Variants in DAB1 observed in about 807,000 individuals in gnomAD.
The protein encoded by DAB1 is DAB adaptor protein 1, also known as disabled homolog 1.
In DAB1, 15 loss-of-function variants were observed where a neutral mutation model predicts 64.6. The ratio of observed to expected loss-of-function variants is 0.23; its 90% confidence interval spans 0.16 to 0.36. The LOEUF is 0.36. Ranked by LOEUF, DAB1 falls within the 10% of genes least tolerant of loss-of-function variation. The pLI is 1.00. For synonymous variants in DAB1, 235 were observed against 251.9 expected, an observed-to-expected ratio of 0.93 and a Z score of 0.64; for missense variants, 596 against 706.7, an observed-to-expected ratio of 0.84 and a Z score of 1.78.
chr1:57,980,739 TGGCAGAAATGTAAGTGGAG>T (rs1438126425), intron 5 of DAB1, among the ~76,000 whole-genome samples: 1 of 152,166 alleles, frequency 6.6e-6, no homozygotes, highest in Non-Finnish European at 1.5e-5. Context: ...TATATGTTGC[TGGCAGAAATGTAAGTGGAG>T]GGAATTTCTG....
At chr1:57,489,791 G>A (rs894085312) in intron 7 of DAB1, among the ~76,000 whole-genome samples, 7 of 152,152 alleles carry the variant, frequency 4.6e-5, no homozygotes, top group Non-Finnish European at 1.0e-4. Context: ...TGTAAACACA[G>A]CAAAATTGAA....
At chr1:58,482,270 G>A (rs1645500494) in intron 3 of DAB1, among the ~76,000 whole-genome samples, 1 of 152,092 alleles carries the variant, frequency 6.6e-6, no homozygotes, top group South Asian at 2.1e-4. Context: ...ATTGAAGTTA[G>A]AATGTAGCAA....
At chr1:58,470,594 T>C (rs540869155) in intron 3 of DAB1, among the ~76,000 whole-genome samples, 2 of 152,328 alleles carry the variant, frequency 1.3e-5, no homozygotes, top group East Asian at 3.9e-4. Context: ...TCTGAAGCAC[T>C]GTCTCATCAC....
chr1:58,402,401 G>C (rs1644579044), intron 3 of DAB1, among the ~76,000 whole-genome samples: 2 of 152,164 alleles, frequency 1.3e-5, no homozygotes, highest in Non-Finnish European at 2.9e-5. Flanking sequence ...AAGATGGAAG[G>C]ATTTGTTATT....
intron 7 of DAB1, among the ~76,000 whole-genome samples, chr1:57,539,034 C>T (rs1465807003): frequency 1.3e-5 from 2 of 152,220 alleles, no homozygotes; most frequent in Non-Finnish European, 2.9e-5. Context: ...GAACCTTGCA[C>T]ACCTCCCTTC....
intron 6 of DAB1, chr1:57,649,799 A>T (rs1403079100): frequency 6.6e-6 from 1 of 152,228 alleles, no homozygotes; most frequent in African/African-American, 2.4e-5. Flanking sequence ...AGAGAGATGG[A>T]TAAAATAAAA....
intron 5 of DAB1, among the ~76,000 whole-genome samples, chr1:58,007,636 T>A (rs891556677): frequency 6.6e-6 from 1 of 152,150 alleles, no homozygotes; most frequent in Non-Finnish European, 1.5e-5. Context: ...TCCCAGCCAG[T>A]GTACTCAAGG....
rs1314702266 is a variant in DAB1 at position 57,638,955 on chromosome 1, A to G, written n.625+10637T>C. On this transcript the variant is annotated intron_variant and non_coding_transcript_variant, in intron 7 of 20. Coordinates refer to the DAB1 transcript ENST00000485760. ...AAGTTCTTCATAAAGAACTTTAGTA[A>G]ATAACTTTATAAAGTTCTTCATAAA... Among the ~76,000 whole-genome samples the G allele has an allele frequency of 7.3e-5, 11 of 150,054 alleles. No homozygotes were observed. The East Asian group carries it at 1.6e-3, about 22-fold the overall frequency.
chr1:57,020,168 A>G (rs1163248554), intron 11 of DAB1, among the ~76,000 whole-genome samples: 1 of 152,212 alleles, frequency 6.6e-6, no homozygotes, highest in Non-Finnish European at 1.5e-5. Context: ...TCCTTTCCAC[A>G]AGCCTCTGGG....
At chr1:58,062,049 G>A (rs1648534255) in intron 5 of DAB1, among the ~76,000 whole-genome samples, 1 of 152,196 alleles carries the variant, frequency 6.6e-6, no homozygotes, top group African/African-American at 2.4e-5. Context: ...CTGATTTAAT[G>A]ACTAGCCTTG....
chr1:58,302,765 G>GA (rs1185502914), intron 4 of DAB1, among the ~76,000 whole-genome samples: 1 of 152,122 alleles, frequency 6.6e-6, no homozygotes, highest in Non-Finnish European at 1.5e-5. Context: ...TGCTTAGAAT[G>GA]AAAGTGACAA....
At chr1:57,553,571 C>T (rs1411254095) in intron 7 of DAB1, among the ~76,000 whole-genome samples, 1 of 151,604 alleles carries the variant, frequency 6.6e-6, no homozygotes, top group Non-Finnish European at 1.5e-5. Context: ...TAAAAGCCTC[C>T]CTACTCAGCA....
At chr1:58,475,625 A>T (rs532911885) in intron 3 of DAB1, among the ~76,000 whole-genome samples, 1 of 152,284 alleles carries the variant, frequency 6.6e-6, no homozygotes, top group African/African-American at 2.4e-5. Context: ...TTTGGAAGTG[A>T]CCTCTCTTAA....
chr1:57,540,100 C>T (rs1170511239), intron 7 of DAB1, among the ~76,000 whole-genome samples: 1 of 152,138 alleles, frequency 6.6e-6, no homozygotes, highest in Admixed American at 6.6e-5. Context: ...AAGCTCTGGC[C>T]CACGATTTTT....
At chr1:57,931,693 A>G (rs1202765) in intron 5 of DAB1, among the ~76,000 whole-genome samples, 28,399 of 151,962 alleles carry the variant, frequency 0.19, 3,628 homozygotes, top group African/African-American at 0.36. Flanking sequence ...TTCTAGTGAT[A>G]TCTCCTCTTT....
At chr1:57,031,918 G>T (rs551996559) in intron 9 of DAB1, among the ~76,000 whole-genome samples, 1 of 152,318 alleles carries the variant, frequency 6.6e-6, no homozygotes, top group Non-Finnish European at 1.5e-5. Flanking sequence ...TTTTCCAGGG[G>T]TAAGAAGAGT....
intron 3 of DAB1, among the ~76,000 whole-genome samples, chr1:58,469,205 T>C (rs147589266): frequency 2.3e-4 from 35 of 152,316 alleles, no homozygotes; most frequent in African/African-American, 7.5e-4. Flanking sequence ...GGTAAGGCTT[T>C]GGAATCACAC....
At chr1:58,345,656 C>A (rs936279063) in intron 3 of DAB1, among the ~76,000 whole-genome samples, 1 of 152,072 alleles carries the variant, frequency 6.6e-6, no homozygotes, top group Non-Finnish European at 1.5e-5. Context: ...TAATCAGCAG[C>A]CCCTTCCCCC....
intron 3 of DAB1, among the ~76,000 whole-genome samples, chr1:58,441,917 G>A (rs1316062136): frequency 6.6e-6 from 1 of 152,150 alleles, no homozygotes; most frequent in Non-Finnish European, 1.5e-5. Flanking sequence ...GTAATTGAGG[G>A]CATCCTGTCA....
Sources: allele counts gnomAD v4.1 joint callset (sites outside exome capture counted in the v4.1 genomes callset), GRCh38; gene constraint gnomAD v4.1.1; transcripts MANE v1.5; gene names NCBI Gene and HGNC (gene_info 2026-07-23, HGNC 2026-07-21).